The following SEC23A variants were observed in gnomAD, a reference collection of about 807,000 sequenced individuals.
SEC23A encodes the protein SEC23 homolog A, COPII component, also known as protein transport protein Sec23A.
SEC23A carries 56 observed loss-of-function variants against 103.7 expected under a neutral mutation model. The observed-to-expected ratio is 0.54, with a 90% CI of 0.44 to 0.67. SEC23A has a LOEUF of 0.67. Among genes scored for constraint, SEC23A ranks in the 30% least tolerant of loss-of-function variants. SEC23A has a pLI of 0.00. For synonymous variants in SEC23A, 281 were observed against 293.0 expected (o/e 0.96, Z 0.42); for missense variants, 784 against 936.4 (o/e 0.84, Z 2.12).
At chr14:39,042,140 C>A (rs1885669529) in intron 17 of SEC23A, among the ~76,000 whole-genome samples, 1 of 152,122 alleles carries the variant, frequency 6.6e-6, no homozygotes, top group Non-Finnish European at 1.5e-5. Context: ...AATAAATCTG[C>A]AGAACTTAGT....
intron 9 of SEC23A, among the ~76,000 whole-genome samples, chr14:39,072,806 C>A (rs1398587093): frequency 6.6e-6 from 1 of 151,992 alleles, no homozygotes; most frequent in Non-Finnish European, 1.5e-5. Context: ...GAGAAAGACC[C>A]CATCTAAAAA....
At position 39,040,831 on chromosome 14, in the gene SEC23A, G is replaced by GA; in HGVS notation, c.2042dup (p.Arg682ProfsTer10). ...CCACTGGGGCTTGCAGAAGGTGGCG[G>GA]AAATTTTCATACTCAGGCATATCCT... is the stretch of plus-strand genomic sequence containing the variant. On this transcript the variant is annotated frameshift_variant, in exon 18 of 20. Coordinates refer to ENST00000307712, the MANE Select transcript of SEC23A (RefSeq NM_006364.4). LOFTEE classifies it high-confidence loss of function. The GA allele has an allele frequency of 6.2e-7, 1 of 1,614,160 alleles. No homozygotes were observed. The highest frequency in any genetic ancestry group is 8.5e-7 in the Non-Finnish European group (1 of 1,180,024).
At chr14:39,090,953 G>A (rs1887642159) in intron 5 of SEC23A, 4 of 327,726 alleles carry the variant, frequency 1.2e-5, no homozygotes, top group Non-Finnish European at 2.3e-5. Context: ...GTAGGGGCTG[G>A]TGGACCTGCT....
intron 7 of SEC23A, among the ~76,000 whole-genome samples, chr14:39,076,856 G>A (rs1215743959): frequency 6.6e-6 from 1 of 151,740 alleles, no homozygotes; most frequent in Non-Finnish European, 1.5e-5. Context: ...GAACGCGGGA[G>A]GTGGAGGTCG....
intron 1 of SEC23A, among the ~76,000 whole-genome samples, chr14:39,097,571 T>C (rs1401153243): frequency 1.3e-5 from 2 of 152,212 alleles, no homozygotes; most frequent in Non-Finnish European, 1.5e-5. Context: ...ATAAAACAAA[T>C]GGCAGAAAGT....
rs1347484856 is a variant in SEC23A at position 39,033,196 on chromosome 14, A to G, written c.*43T>C. On this transcript the variant is annotated 3_prime_UTR_variant, in exon 20 of 20. Transcript: ENST00000307712. ...GGAAAAAGGAAAAAATGAAATTTGA[A>G]TATTATTTCATCTTCTTAAGTGTCT... 4 of 1,381,310 alleles carry G rather than the reference A, an allele frequency of 2.9e-6. No homozygotes were observed. Among genetic ancestry groups the G allele is most frequent in the Non-Finnish European group, 4.1e-6 (4 of 968,126 alleles). 85.6% of individuals were successfully genotyped at this position (1,381,310 alleles called of 1,614,324 possible).
Position 39,085,816 on chromosome 14 carries a change from C to T in SEC23A, c.774G>A (p.Lys258=). 1 of 1,614,056 alleles carries T rather than the reference C, an allele frequency of 6.2e-7. No individual in the cohort carries two copies. The highest frequency in any genetic ancestry group is 2.2e-5 in the East Asian group (1 of 44,872). Residue 258 remains lysine (K), a synonymous_variant, in exon 7 of 20, where the codon AAG becomes AAA. Transcript: ENST00000307712. The part of the protein sequence containing the change: ...QRDPWPVPQG[K]RPLRSSGVAL... The stretch of plus-strand genomic sequence containing the variant: ...CCACCCCAGAGGAACGCAAAGGTCT[C>T]TTTCCCTGTGGTACAGGCCAAGGGT...
chr14:39,095,314 G>A (rs1362559114), intron 2 of SEC23A, among the ~76,000 whole-genome samples: 1 of 130,474 alleles, frequency 7.7e-6, no homozygotes, highest in Non-Finnish European at 1.6e-5. Flanking sequence ...TTTTTTTTTT[G>A]AGGCGGAGTC....
intron 8 of SEC23A, 78 bp from the exon 9 acceptor site, chr14:39,074,608 T>C (rs1886951916): frequency 2.7e-6 from 2 of 732,356 alleles, no homozygotes; most frequent in Non-Finnish European, 4.5e-6. Flanking sequence ...ATCAAAATGA[T>C]CTAAGGACTA....
intron 8 of SEC23A, among the ~76,000 whole-genome samples, 165 bp from the exon 9 acceptor site, chr14:39,074,695 T>A (rs1024425822): frequency 6.6e-6 from 1 of 152,254 alleles, no homozygotes; most frequent in Non-Finnish European, 1.5e-5. Context: ...CAACAACTTC[T>A]GTGAGTCTGA....
Position 39,034,126 on chromosome 14 carries a change from G to A in SEC23A, c.2209-798C>T, listed in dbSNP as rs139105085. Among the ~76,000 whole-genome samples the A allele has an allele frequency of 1.6e-3, 249 of 152,308 alleles. 1 individual carries two copies. The highest frequency in any genetic ancestry group is 5.7e-3 in the African/African-American group (236 of 41,578). ...TAAAGGGAAATCAATTTTATCATATGTTTATTCAAAAGAACTTGAAAGATT... is the reference window on the plus strand; with the variant it reads ...TAAAGGGAAATCAATTTTATCATATATTTATTCAAAAGAACTTGAAAGATT... On this transcript the variant is annotated intron_variant, in intron 19 of 19. Coordinates refer to ENST00000307712, the MANE Select transcript of SEC23A (RefSeq NM_006364.4).
chr14:39,093,279 A>G, intron 2 of SEC23A, 35 bp from the exon 3 acceptor site: 1 of 1,534,728 alleles, frequency 6.5e-7, no homozygotes, highest in East Asian at 2.3e-5. Flanking sequence ...ATATCAGTTC[A>G]TATTTCAGTT....
chr14:39,037,293 C>T (rs963841602), intron 19 of SEC23A, among the ~76,000 whole-genome samples: 1 of 152,110 alleles, frequency 6.6e-6, no homozygotes, highest in African/African-American at 2.4e-5. Context: ...GTACCTCAAA[C>T]TCAGTGTCTA....
chr14:39,081,016 G>A (rs1887207685), intron 7 of SEC23A, among the ~76,000 whole-genome samples: 1 of 151,992 alleles, frequency 6.6e-6, no homozygotes, highest in African/African-American at 2.4e-5. Flanking sequence ...ACCTGTCTGG[G>A]CAACATGGCA....
chr14:39,098,600 C>A (rs143741966), intron 1 of SEC23A, among the ~76,000 whole-genome samples: 119 of 151,878 alleles, frequency 7.8e-4, no homozygotes, highest in Middle Eastern at 6.8e-3. Flanking sequence ...CATGGTGAAA[C>A]CCCATCTCTA....
intron 12 of SEC23A, 115 bp from the exon 13 acceptor site, chr14:39,061,986 A>T (rs1224125024): frequency 1.4e-6 from 1 of 735,944 alleles, no homozygotes; most frequent in Non-Finnish European, 2.4e-6. Flanking sequence ...GATTAGAAGG[A>T]TACTTATTTC....
intron 9 of SEC23A, among the ~76,000 whole-genome samples, chr14:39,069,165 T>C (rs1886764746): frequency 6.6e-6 from 1 of 152,158 alleles, no homozygotes; most frequent in Non-Finnish European, 1.5e-5. Context: ...TTACATCTAT[T>C]TTCCAAATAT....
chr14:39,061,739 T>A (rs770164500), intron 13 of SEC23A, 26 bp downstream of exon 13: 8 of 1,525,552 alleles, frequency 5.2e-6, no homozygotes, highest in Non-Finnish European at 7.3e-6. Flanking sequence ...GATATGAAAA[T>A]CAAATCTCTA....
At chr14:39,085,931 G>A in intron 6 of SEC23A, 25 bp from the exon 7 acceptor site, 2 of 1,603,206 alleles carry the variant, frequency 1.2e-6, no homozygotes, top group African/African-American at 1.3e-5. Flanking sequence ...TAAATAAAAA[G>A]CCATTTGTAA....
Sources: allele counts gnomAD v4.1 joint callset (sites outside exome capture counted in the v4.1 genomes callset), GRCh38; gene constraint gnomAD v4.1.1; transcripts MANE v1.5; gene names NCBI Gene and HGNC (gene_info 2026-07-23, HGNC 2026-07-21).